Variants in TENM1 observed in about 807,000 individuals in gnomAD.
TENM1 encodes the protein teneurin transmembrane protein 1, also known as teneurin-1.
Under a neutral mutation model 174.8 loss-of-function variants are expected in TENM1, and 35 were observed. The ratio of observed to expected loss-of-function variants is 0.20; its 90% CI spans 0.15 to 0.27. The LOEUF is 0.27. Ranked by LOEUF, TENM1 falls within the 10% of genes least tolerant of loss-of-function variation. The probability of loss-of-function intolerance (pLI) is 1.00; values close to 1 mark genes in which losing one functional copy is unlikely to be tolerated. For synonymous variants in TENM1, 781 were observed against 798.7 expected (o/e 0.98, Z 0.37); for missense variants, 1,633 against 2,130.1 (o/e 0.77, Z 4.59).
chrX:124,656,645 CCT>C (rs1010682741), intron 6 of TENM1, among the ~76,000 whole-genome samples: 1 of 111,702 alleles, frequency 9.0e-6, no homozygotes, highest in African/African-American at 3.3e-5. Flanking sequence ...AAGATATTTC[CCT>C]GTTAGCAATC....
At chrX:124,879,647 G>A (rs1170488670) in intron 3 of TENM1, among the ~76,000 whole-genome samples, 2 of 111,755 alleles carry the variant, frequency 1.8e-5, no homozygotes, top group African/African-American at 6.5e-5. Flanking sequence ...GAGTGGGAAT[G>A]CTGGATCCTA....
the TENM1 span, among the ~76,000 whole-genome samples, chrX:125,149,181 T>C: frequency 4.4e-5 from 5 of 112,421 alleles, no homozygotes; most frequent in Non-Finnish European, 9.4e-5. Flanking sequence ...TTCCATGCCT[T>C]AGCTTATGCT....
At chrX:125,005,405 GGT>G in the TENM1 span, among the ~76,000 whole-genome samples, 2 of 81,205 alleles carry the variant, frequency 2.5e-5, no homozygotes, top group East Asian at 7.4e-4. Flanking sequence ...GACCTGACTT[GGT>G]TGTGTGTGTG....
At chrX:124,708,711 G>A (rs780065829) in intron 4 of TENM1, among the ~76,000 whole-genome samples, 3 of 111,240 alleles carry the variant, frequency 2.7e-5, no homozygotes, top group East Asian at 2.8e-4. Flanking sequence ...TATGGGCAAC[G>A]TTATTCAATT....
chrX:125,045,880 T>C, the TENM1 span, among the ~76,000 whole-genome samples: 1 of 111,992 alleles, frequency 8.9e-6, no homozygotes, highest in African/African-American at 3.2e-5. Context: ...TAATTTAATT[T>C]CAATTAAAAG....
chrX:124,514,982 T>G (rs776860736), intron 18 of TENM1, among the ~76,000 whole-genome samples: 1 of 111,228 alleles, frequency 9.0e-6, no homozygotes, highest in African/African-American at 3.3e-5. Context: ...CCAGCAGCAC[T>G]TCAAAAAGCT....
At chrX:124,718,975 C>T (rs371273270) in intron 4 of TENM1, among the ~76,000 whole-genome samples, 14 of 111,572 alleles carry the variant, frequency 1.3e-4, no homozygotes, top group South Asian at 1.1e-3. Flanking sequence ...AGGTCAGATA[C>T]GCTGCTAAAC....
intron 11 of TENM1, among the ~76,000 whole-genome samples, chrX:124,601,357 A>G (rs1051760176): frequency 9.0e-6 from 1 of 111,235 alleles, no homozygotes; most frequent in Non-Finnish European, 1.9e-5. Flanking sequence ...GATCCAGAGC[A>G]CTGGTGAAGG....
chrX:124,895,392 T>C lies in TENM1; in HGVS notation c.478+589A>G, dbSNP rs1338351341. On this transcript the variant is annotated intron_variant, in intron 2 of 31. Transcript: ENST00000422452. ...TCAAAAAGACAAAATTTTCCTTTTA[T>C]AAAAGTTGCAAGAAAATCATATATG... 2.7e-5 allele frequency among the ~76,000 whole-genome samples: 3 copies of C among 112,180 alleles called. No individual in the cohort carries two copies. In the East Asian group the frequency reaches 8.3e-4, roughly 31 times the overall value.
At chrX:124,545,032 T>C (rs1332847519) in intron 15 of TENM1, among the ~76,000 whole-genome samples, 1 of 112,333 alleles carries the variant, frequency 8.9e-6, no homozygotes, top group Non-Finnish European at 1.9e-5. Context: ...ATATCCCAAA[T>C]AAAAATGCAT....
intron 3 of TENM1, among the ~76,000 whole-genome samples, chrX:124,786,813 C>T (rs951895633): frequency 6.3e-5 from 7 of 111,230 alleles, no homozygotes; most frequent in African/African-American, 2.3e-4. Context: ...CCCTTCCTAT[C>T]CATGATAAGG....
the TENM1 span, among the ~76,000 whole-genome samples, chrX:125,023,371 T>C: frequency 9.0e-6 from 1 of 111,404 alleles, no homozygotes; most frequent in Admixed American, 9.6e-5. Context: ...TCCCCAGTCA[T>C]GCAGAACTGT....
chrX:124,740,834 T>C (rs1398944592), intron 3 of TENM1, among the ~76,000 whole-genome samples: 1 of 111,274 alleles, frequency 9.0e-6, no homozygotes, highest in African/African-American at 3.3e-5. Flanking sequence ...TGTCAGAAGC[T>C]CTAGAACACC....
chrX:124,942,642 G>T (rs1454800562), intron 1 of TENM1, among the ~76,000 whole-genome samples: 1 of 111,597 alleles, frequency 9.0e-6, no homozygotes, highest in East Asian at 2.8e-4. Flanking sequence ...ATTTAGAGGA[G>T]AACTAAATTC....
the TENM1 span, among the ~76,000 whole-genome samples, chrX:125,000,805 T>C: frequency 9.0e-6 from 1 of 111,576 alleles, no homozygotes; most frequent in African/African-American, 3.3e-5. Context: ...CTTGAGCTCC[T>C]CATTACATGA....
At chrX:124,746,264 T>C (rs1162244702) in intron 3 of TENM1, among the ~76,000 whole-genome samples, 1 of 112,040 alleles carries the variant, frequency 8.9e-6, no homozygotes, top group Non-Finnish European at 1.9e-5. Flanking sequence ...TTGATTGAAT[T>C]ATTCACATTC....
chrX:124,851,980 T>G (rs2056728241), intron 3 of TENM1, among the ~76,000 whole-genome samples: 1 of 111,308 alleles, frequency 9.0e-6, no homozygotes, highest in African/African-American at 3.3e-5. Flanking sequence ...GATTTAGAGA[T>G]CTACAGAGGA....
At chrX:125,014,990 T>C in the TENM1 span, among the ~76,000 whole-genome samples, 1 of 111,158 alleles carries the variant, frequency 9.0e-6, no homozygotes, top group East Asian at 2.8e-4. Context: ...AGGGATTCTG[T>C]TTATGCCTGC....
intron 3 of TENM1, among the ~76,000 whole-genome samples, chrX:124,843,213 T>TA (rs1471485058): frequency 8.9e-6 from 1 of 111,746 alleles, no homozygotes; most frequent in African/African-American, 3.3e-5. Context: ...GCACCTGTAA[T>TA]AAAAAATTAA....
Sources: allele counts gnomAD v4.1 joint callset (sites outside exome capture counted in the v4.1 genomes callset), GRCh38; gene constraint gnomAD v4.1.1; transcripts MANE v1.5; gene names NCBI Gene and HGNC (gene_info 2026-07-23, HGNC 2026-07-21).